Variants in PALLD observed in about 807,000 individuals in gnomAD.
The protein encoded by PALLD is palladin.
A neutral mutation model predicts 123.5 loss-of-function variants in PALLD; 61 were observed. The ratio of observed to expected loss-of-function variants is 0.49; its 90% CI spans 0.40 to 0.61. The LOEUF (loss-of-function observed/expected upper bound fraction) is 0.61, where lower values mean the gene tolerates loss of function less well. Among genes scored for constraint, PALLD ranks in the 20% least tolerant of loss-of-function variants. The pLI is 0.00. For synonymous variants in PALLD, 465 were observed against 496.4 expected, an observed-to-expected ratio of 0.94 and a Z score of 0.84; for missense variants, 1,273 against 1,377.0, an observed-to-expected ratio of 0.92 and a Z score of 1.20.
chr4:168,727,151 T>C (rs536505310), intron 10 of PALLD, among the ~76,000 whole-genome samples: 2 of 152,272 alleles, frequency 1.3e-5, no homozygotes, highest in South Asian at 4.2e-4. Flanking sequence ...GTTGACTCTA[T>C]GTCTTTGCTA....
intron 10 of PALLD, among the ~76,000 whole-genome samples, chr4:168,839,355 C>T (rs960639961): frequency 5.9e-5 from 9 of 152,260 alleles, no homozygotes; most frequent in South Asian, 2.1e-4. Flanking sequence ...AGTGAAGAAG[C>T]CTTCTATGTC....
intron 2 of PALLD, among the ~76,000 whole-genome samples, chr4:168,601,899 T>C (rs978550940): frequency 1.2e-4 from 18 of 152,204 alleles, no homozygotes; most frequent in African/African-American, 1.7e-4. Context: ...CTCCTACCTC[T>C]TATCTACCTT....
At chr4:168,918,825 A>G (rs1294194244) in intron 17 of PALLD, among the ~76,000 whole-genome samples, 1 of 152,240 alleles carries the variant, frequency 6.6e-6, no homozygotes, top group Non-Finnish European at 1.5e-5. Flanking sequence ...ATTCATACAG[A>G]CCACTTGTAA....
At chr4:168,918,666 G>C (rs1254984925) in intron 17 of PALLD, among the ~76,000 whole-genome samples, 1 of 152,004 alleles carries the variant, frequency 6.6e-6, no homozygotes, top group East Asian at 1.9e-4. Flanking sequence ...AAATTGCTAA[G>C]AGTAGGTTTT....
At chr4:168,704,495 C>A (rs1484325478) in intron 8 of PALLD, among the ~76,000 whole-genome samples, 2 of 151,826 alleles carry the variant, frequency 1.3e-5, no homozygotes, top group African/African-American at 4.8e-5. Context: ...CACAGTGAAA[C>A]CCCGTCTCTA....
intron 8 of PALLD, among the ~76,000 whole-genome samples, chr4:168,702,891 T>TTTTATTTATTTA (rs548874369): frequency 1.6e-3 from 228 of 140,342 alleles, no homozygotes; most frequent in African/African-American, 5.9e-3. Context: ...TATTTATTTA[T>TTTTATTTATTTA]TTTATTTATT....
At chr4:168,761,603 C>T (rs1306787981) in intron 10 of PALLD, among the ~76,000 whole-genome samples, 1 of 149,426 alleles carries the variant, frequency 6.7e-6, no homozygotes, top group African/African-American at 2.5e-5. Context: ...GGGGACTACA[C>T]GCACACACCA....
intron 8 of PALLD, among the ~76,000 whole-genome samples, chr4:168,697,249 G>C (rs1783216629): frequency 6.6e-6 from 1 of 152,220 alleles, no homozygotes; most frequent in East Asian, 1.9e-4. Context: ...TTTCAGACTT[G>C]TAAGATCCCC....
chr4:168,714,872 T>C (rs1279355822), intron 10 of PALLD, among the ~76,000 whole-genome samples: 2 of 151,498 alleles, frequency 1.3e-5, no homozygotes, highest in Admixed American at 6.6e-5. Flanking sequence ...AAAAGAAAAC[T>C]GCATTTTTTT....
intron 2 of PALLD, among the ~76,000 whole-genome samples, chr4:168,600,018 T>C (rs1772410378): frequency 6.8e-6 from 1 of 147,702 alleles, no homozygotes; most frequent in Non-Finnish European, 1.5e-5. Context: ...TACATACATG[T>C]GTGTACACAC....
chr4:168,878,058 C>A (rs1752032282), intron 10 of PALLD: 4 of 1,479,666 alleles, frequency 2.7e-6, no homozygotes, highest in Non-Finnish European at 3.6e-6. Flanking sequence ...CCCATGTCCC[C>A]GACGCCGAGG....
chr4:168,524,288 T>C, intron 2 of PALLD, among the ~76,000 whole-genome samples: 1 of 152,216 alleles, frequency 6.6e-6, no homozygotes, highest in East Asian at 1.9e-4. Flanking sequence ...AAAACAATGG[T>C]ATCTAGTGGT....
intron 10 of PALLD, among the ~76,000 whole-genome samples, chr4:168,810,827 GAAAAAAA>G (rs1274205955): frequency 8.8e-4 from 30 of 33,934 alleles, no homozygotes; most frequent in South Asian, 3.7e-3. Context: ...AAAAAAAAAA[GAAAAAAA>G]AAGAAGAAGA....
chr4:168,914,216 G>A (rs1176985549), intron 16 of PALLD, 195 bp downstream of exon 16: 10 of 596,122 alleles, frequency 1.7e-5, no homozygotes, highest in East Asian at 1.2e-4. Context: ...ACAAACATTC[G>A]CTAATGTGTG....
intron 11 of PALLD, among the ~76,000 whole-genome samples, chr4:168,893,162 C>T (rs190941211): frequency 3.0e-4 from 45 of 152,242 alleles, no homozygotes; most frequent in African/African-American, 1.0e-3. Flanking sequence ...GAAAATCACT[C>T]CAGGCCTGCC....
At chr4:168,910,918 C>T (rs1453925579) in intron 15 of PALLD, among the ~76,000 whole-genome samples, 3 of 152,096 alleles carry the variant, frequency 2.0e-5, no homozygotes, top group Non-Finnish European at 4.4e-5. Flanking sequence ...AAAGTATATT[C>T]ACATGGAAAT....
chr4:168,499,486 A>G (rs1761166866), intron 1 of PALLD, among the ~76,000 whole-genome samples: 1 of 152,168 alleles, frequency 6.6e-6, no homozygotes, highest in Admixed American at 6.5e-5. Flanking sequence ...ATTAAAAGAT[A>G]TTTCAATATC....
chr4:168,857,652 C>A (rs927022254), intron 10 of PALLD, among the ~76,000 whole-genome samples: 4 of 152,142 alleles, frequency 2.6e-5, no homozygotes, highest in Non-Finnish European at 4.4e-5. Context: ...AAATAGATAA[C>A]CTAAAGTTGT....
intron 2 of PALLD, among the ~76,000 whole-genome samples, chr4:168,540,608 G>T (rs1010105577): frequency 2.0e-5 from 3 of 152,098 alleles, no homozygotes; most frequent in Admixed American, 1.3e-4. Context: ...AGAGCAAAAA[G>T]TATGCATGTA....
Sources: gnomAD v4.1 joint callset for allele counts (sites outside exome capture counted in the v4.1 genomes callset) on GRCh38, gnomAD v4.1.1 for gene constraint, MANE v1.5 for transcripts, NCBI Gene and HGNC (gene_info 2026-07-23, HGNC 2026-07-21) for gene names.